The following PDE1C variants were observed in gnomAD, a reference collection of about 807,000 sequenced individuals.
PDE1C encodes phosphodiesterase 1C.
A neutral mutation model predicts 93.1 loss-of-function variants in PDE1C; 62 were observed. The ratio of observed to expected loss-of-function variants is 0.67; its 90% CI spans 0.54 to 0.82. PDE1C has a LOEUF of 0.82. PDE1C is among the 40% of genes least tolerant of loss of function. The pLI, the probability that PDE1C is intolerant of heterozygous loss-of-function variation, is 0.00. For synonymous variants in PDE1C, 325 were observed against 310.1 expected (o/e 1.05, Z -0.50); for missense variants, 742 against 884.6 (o/e 0.84, Z 2.04).
At chr7:32,416,056 G>A (rs1428528786) in intron 1 of PDE1C, among the ~76,000 whole-genome samples, 2 of 152,122 alleles carry the variant, frequency 1.3e-5, no homozygotes, top group African/African-American at 2.4e-5. Context: ...GCACACGCCC[G>A]CCTCCCCCAG....
At chr7:32,324,131 A>G (rs943519492) in intron 1 of PDE1C, among the ~76,000 whole-genome samples, 8 of 152,244 alleles carry the variant, frequency 5.3e-5, no homozygotes, top group Admixed American at 2.0e-4. Flanking sequence ...TCAAATTTCA[A>G]TGTCCATAAA....
intron 1 of PDE1C, among the ~76,000 whole-genome samples, chr7:32,210,836 A>C (rs563646485): frequency 6.6e-6 from 1 of 152,314 alleles, no homozygotes; most frequent in African/African-American, 2.4e-5. Context: ...ATTACTATAT[A>C]TAAGATGTTA....
At chr7:31,926,602 C>G (rs538569665) in intron 2 of PDE1C, among the ~76,000 whole-genome samples, 1 of 152,104 alleles carries the variant, frequency 6.6e-6, no homozygotes, top group Non-Finnish European at 1.5e-5. Flanking sequence ...CTTATCTCAC[C>G]GGGACTGGTT....
intron 2 of PDE1C, among the ~76,000 whole-genome samples, chr7:32,173,660 G>A (rs1802793490): frequency 6.6e-6 from 1 of 152,182 alleles, no homozygotes; most frequent in Non-Finnish European, 1.5e-5. Flanking sequence ...GTGAGAAGCA[G>A]TGCTAGCTAA....
At chr7:31,888,512 A>T (rs767105870) in intron 2 of PDE1C, among the ~76,000 whole-genome samples, 4 of 152,104 alleles carry the variant, frequency 2.6e-5, no homozygotes, top group Non-Finnish European at 5.9e-5. Context: ...ATAAATAACC[A>T]ATATCAAGGA....
chr7:32,219,969 GATGATTTTACA>G (rs1806721109), intron 1 of PDE1C, among the ~76,000 whole-genome samples: 1 of 152,134 alleles, frequency 6.6e-6, no homozygotes, highest in South Asian at 2.1e-4. Context: ...CACGAGATCT[GATGATTTTACA>G]AGGGGTTTCC....
intron 2 of PDE1C, among the ~76,000 whole-genome samples, chr7:31,951,912 T>A (rs1204120013): frequency 1.3e-5 from 2 of 152,170 alleles, no homozygotes; most frequent in Non-Finnish European, 2.9e-5. Flanking sequence ...AGCTTACAGT[T>A]CCACTTGCCC....
chr7:32,189,958 C>G (rs1190677626), intron 2 of PDE1C, among the ~76,000 whole-genome samples: 1 of 152,190 alleles, frequency 6.6e-6, no homozygotes. Flanking sequence ...TCTTCTGAGG[C>G]TATAGAAACC....
chr7:32,190,361 T>G (rs1321848636), intron 2 of PDE1C, among the ~76,000 whole-genome samples: 2 of 152,154 alleles, frequency 1.3e-5, no homozygotes, highest in Non-Finnish European at 2.9e-5. Context: ...ATGCACACCA[T>G]GGCAAGAACT....
At chr7:31,863,156 CTTTGA>C (rs1008261098) in intron 7 of PDE1C, among the ~76,000 whole-genome samples, 7 of 151,868 alleles carry the variant, frequency 4.6e-5, no homozygotes, top group African/African-American at 9.7e-5. Flanking sequence ...TTTTTGTGCC[CTTTGA>C]TTTAATTTTA....
intron 5 of PDE1C, among the ~76,000 whole-genome samples, chr7:31,874,033 A>G (rs1796250370): frequency 1.3e-5 from 2 of 152,238 alleles, no homozygotes; most frequent in African/African-American, 2.4e-5. Flanking sequence ...TGCCACATCA[A>G]TCGAAACTGC....
intron 1 of PDE1C, among the ~76,000 whole-genome samples, chr7:32,252,981 G>C (rs978767592): frequency 6.6e-6 from 1 of 152,190 alleles, no homozygotes; most frequent in African/African-American, 2.4e-5. Context: ...GAGTAGCACA[G>C]TGGACAGGAA....
At chr7:31,819,560 C>T (rs1398180581) in intron 14 of PDE1C, among the ~76,000 whole-genome samples, 1 of 151,960 alleles carries the variant, frequency 6.6e-6, no homozygotes, top group African/African-American at 2.4e-5. Flanking sequence ...TTTGGCTTCC[C>T]ATGTCAGACT....
chr7:31,633,438 T>G, the PDE1C span, among the ~76,000 whole-genome samples: 1 of 152,176 alleles, frequency 6.6e-6, no homozygotes, highest in African/African-American at 2.4e-5. Context: ...ATAAGGAGTG[T>G]TCTGGAAGGG....
the PDE1C span, among the ~76,000 whole-genome samples, chr7:31,654,809 A>G: frequency 6.6e-6 from 1 of 152,178 alleles, no homozygotes; most frequent in Non-Finnish European, 1.5e-5. Context: ...GTCACTTCTT[A>G]GCAAGTAACC....
At chr7:32,313,078 C>G (rs1246949022) in intron 1 of PDE1C, among the ~76,000 whole-genome samples, 1 of 151,880 alleles carries the variant, frequency 6.6e-6, no homozygotes, top group Non-Finnish European at 1.5e-5. Context: ...ACAACCCCAT[C>G]AAAAAGTGGG....
chr7:31,653,209 G>A, the PDE1C span: 5 of 185,522 alleles, frequency 2.7e-5, no homozygotes, highest in South Asian at 6.7e-4. Context: ...ACAGGTCTGT[G>A]CCTTTCTCCA....
At chr7:31,875,067 C>T (rs1796375868) in intron 5 of PDE1C, among the ~76,000 whole-genome samples, 1 of 152,202 alleles carries the variant, frequency 6.6e-6, no homozygotes, top group African/African-American at 2.4e-5. Context: ...CTATAGACAG[C>T]AAGGACACTT....
At chr7:32,115,904 T>C (rs1424374175) in intron 3 of PDE1C, among the ~76,000 whole-genome samples, 1 of 152,122 alleles carries the variant, frequency 6.6e-6, no homozygotes, top group Admixed American at 6.5e-5. Flanking sequence ...AGGGGAAAGA[T>C]GTGACTTGTC....
Sources: allele counts gnomAD v4.1 joint callset (sites outside exome capture counted in the v4.1 genomes callset), GRCh38; gene constraint gnomAD v4.1.1; transcripts MANE v1.5; gene names NCBI Gene and HGNC (gene_info 2026-07-23, HGNC 2026-07-21).